The following ROBO2 variants were observed in gnomAD, a reference collection of about 807,000 sequenced individuals.
ROBO2 encodes roundabout homolog 2.
A neutral mutation model predicts 160.8 loss-of-function variants in ROBO2; 53 were observed. The observed-to-expected ratio is 0.33, with a 90% CI of 0.26 to 0.41. The LOEUF (loss-of-function observed/expected upper bound fraction) is 0.41. ROBO2 is among the 10% of genes least tolerant of loss of function. ROBO2 has a pLI of 1.00. For synonymous variants in ROBO2, 664 were observed against 611.7 expected, an observed-to-expected ratio of 1.09 and a Z score of -1.26; for missense variants, 1,577 against 1,722.4, an observed-to-expected ratio of 0.92 and a Z score of 1.49.
chr3:77,135,086 C>T (rs1192531918), intron 2 of ROBO2, among the ~76,000 whole-genome samples: 2 of 152,152 alleles, frequency 1.3e-5, no homozygotes, highest in African/African-American at 4.8e-5. Flanking sequence ...CGTAGATCAG[C>T]CTAGAAGCCC....
At chr3:77,270,672 C>T (rs896040924) in intron 2 of ROBO2, among the ~76,000 whole-genome samples, 15 of 152,100 alleles carry the variant, frequency 9.9e-5, no homozygotes, top group African/African-American at 3.6e-4. Flanking sequence ...TGGCCAGGTG[C>T]AGTAGCTCAC....
Position 77,271,517 on chromosome 3 carries a change from C to T in ROBO2, c.388+173177C>T, listed in dbSNP as rs142580957. 8.1e-3 allele frequency among the ~76,000 whole-genome samples: 1,231 copies of T among 152,296 alleles called. 10 individuals carry two copies. The highest frequency in any genetic ancestry group is 0.014 in the Non-Finnish European group (940 of 68,038). ...AGCTGAAGGATTAAGGAAACATCAG[C>T]ATTGAGTGGGAGGAATTCAGCATAA... On this transcript the variant is annotated intron_variant, in intron 2 of 25. Transcript: ENST00000461745.
Position 76,965,238 on chromosome 3 carries a change from G to A in ROBO2, c.110-132776G>A, listed in dbSNP as rs373968485. Among the ~76,000 whole-genome samples the A allele has an allele frequency of 3.3e-5, 5 of 152,348 alleles. No homozygotes were observed. The South Asian group carries it at 1.0e-3, about 32-fold the overall frequency. The stretch of plus-strand genomic sequence containing the variant: ...GCTGGAGGTCTCCCTCAGACTCACT[G>A]CCAGGCAAATCCAGATATCACAACT... On this transcript the variant is annotated intron_variant, in intron 2 of 26. Transcript: ENST00000487694.
At chr3:77,421,791 G>A (rs1158519513) in intron 2 of ROBO2, among the ~76,000 whole-genome samples, 1 of 151,768 alleles carries the variant, frequency 6.6e-6, no homozygotes, top group Non-Finnish European at 1.5e-5. Context: ...GTAATCCATT[G>A]GTTATCTTTT....
At chr3:76,290,643 T>C (rs749909658) in intron 2 of ROBO2, among the ~76,000 whole-genome samples, 4 of 152,186 alleles carry the variant, frequency 2.6e-5, no homozygotes, top group Non-Finnish European at 5.9e-5. Flanking sequence ...TTCAGCATCA[T>C]GTCAGTTGTG....
intron 2 of ROBO2, among the ~76,000 whole-genome samples, chr3:77,169,798 A>G (rs1193935554): frequency 6.6e-6 from 1 of 152,032 alleles, no homozygotes; most frequent in Non-Finnish European, 1.5e-5. Flanking sequence ...TCCTGAGTTA[A>G]AAGTGTTCCA....
chr3:76,459,087 T>C (rs1446913117), intron 2 of ROBO2, among the ~76,000 whole-genome samples: 3 of 151,664 alleles, frequency 2.0e-5, no homozygotes, highest in Non-Finnish European at 4.4e-5. Context: ...GCTTTGTTAT[T>C]TGTTTACATG....
At chr3:76,575,895 G>C (rs1470972492) in intron 2 of ROBO2, among the ~76,000 whole-genome samples, 5 of 151,216 alleles carry the variant, frequency 3.3e-5, no homozygotes, top group African/African-American at 1.2e-4. Flanking sequence ...CTCTCATTTT[G>C]CTTAGAATAT....
intron 2 of ROBO2, among the ~76,000 whole-genome samples, chr3:77,151,880 A>G (rs2077573640): frequency 2.0e-5 from 3 of 152,180 alleles, no homozygotes; most frequent in African/African-American, 4.8e-5. Context: ...GGAAAATACT[A>G]TTGGTTTTCT....
At chr3:76,853,419 G>A (rs985289026) in intron 2 of ROBO2, among the ~76,000 whole-genome samples, 3 of 152,006 alleles carry the variant, frequency 2.0e-5, no homozygotes, top group African/African-American at 4.8e-5. Flanking sequence ...ATGGTTTGAG[G>A]TGGAGAGTGA....
chr3:77,513,690 A>G (rs868720542), intron 5 of ROBO2, among the ~76,000 whole-genome samples: 2 of 151,780 alleles, frequency 1.3e-5, no homozygotes, highest in African/African-American at 4.8e-5. Context: ...TGATTTTGAC[A>G]CAATTCAGTT....
chr3:77,016,374 A>G (rs1376294196), intron 2 of ROBO2, among the ~76,000 whole-genome samples: 1 of 152,132 alleles, frequency 6.6e-6, no homozygotes, highest in Non-Finnish European at 1.5e-5. Context: ...ACATAAATCT[A>G]TGTCTCTCCA....
At chr3:75,972,060 T>G (rs952623204) in intron 2 of ROBO2, among the ~76,000 whole-genome samples, 1 of 151,702 alleles carries the variant, frequency 6.6e-6, no homozygotes, top group African/African-American at 2.4e-5. Flanking sequence ...TTCACCATCT[T>G]CATGGAAATG....
chr3:76,609,102 T>C (rs1341875596), intron 2 of ROBO2, among the ~76,000 whole-genome samples: 1 of 152,206 alleles, frequency 6.6e-6, no homozygotes, highest in Non-Finnish European at 1.5e-5. Flanking sequence ...TACAGCACCA[T>C]TTACTGAAGA....
chr3:77,203,448 A>G (rs1212952171), intron 2 of ROBO2, among the ~76,000 whole-genome samples: 2 of 152,166 alleles, frequency 1.3e-5, no homozygotes, highest in Non-Finnish European at 1.5e-5. Flanking sequence ...ATCAGGTTTT[A>G]TATCTTTGGG....
chr3:76,960,800 T>C (rs1040518110), intron 2 of ROBO2, among the ~76,000 whole-genome samples: 1 of 152,174 alleles, frequency 6.6e-6, no homozygotes. Flanking sequence ...AATAAACCAC[T>C]GTAGCACTAT....
intron 2 of ROBO2, among the ~76,000 whole-genome samples, chr3:77,027,352 C>G (rs868544269): frequency 1.3e-5 from 2 of 152,010 alleles, no homozygotes; most frequent in African/African-American, 4.8e-5. Context: ...AGCTAAGGGC[C>G]CAAACACTCA....
chr3:76,744,314 T>G (rs1642276545), intron 2 of ROBO2, among the ~76,000 whole-genome samples: 2 of 152,048 alleles, frequency 1.3e-5, no homozygotes, highest in South Asian at 4.2e-4. Context: ...CTCTTCCGTC[T>G]TTTTCTTCTT....
chr3:76,640,021 C>A (rs375288937), intron 2 of ROBO2, among the ~76,000 whole-genome samples: 1 of 152,286 alleles, frequency 6.6e-6, no homozygotes, highest in East Asian at 1.9e-4. Flanking sequence ...AGCAAGTCTG[C>A]AGCTACTTTA....
Sources: gnomAD v4.1 joint callset for allele counts (sites outside exome capture counted in the v4.1 genomes callset) on GRCh38, gnomAD v4.1.1 for gene constraint, MANE v1.5 for transcripts, NCBI Gene and HGNC (gene_info 2026-07-23, HGNC 2026-07-21) for gene names.